Variants in MSRA observed in about 807,000 individuals in gnomAD.
The protein encoded by MSRA is methionine sulfoxide reductase A.
A neutral mutation model predicts 31.3 loss-of-function variants in MSRA; 54 were observed. That is an observed-to-expected ratio of 1.73 (90% CI 1.39 to 2.17). The LOEUF is 2.17. Ranked by LOEUF, MSRA falls within the 30% of genes most tolerant of loss-of-function variation. The pLI, the probability that MSRA is intolerant of heterozygous loss-of-function variation, is 0.00. For synonymous variants in MSRA, 169 were observed against 116.5 expected (o/e 1.45, Z -2.90); for missense variants, 507 against 300.9 (o/e 1.69, Z -5.07).
intron 5 of MSRA, among the ~76,000 whole-genome samples, chr8:10,364,790 C>G (rs560300763): frequency 6.6e-6 from 1 of 152,298 alleles, no homozygotes; most frequent in East Asian, 1.9e-4. Flanking sequence ...TCCAAATGCA[C>G]AGTAGATATT....
chr8:10,292,180 G>T (rs1421879467), intron 3 of MSRA, among the ~76,000 whole-genome samples: 1 of 152,234 alleles, frequency 6.6e-6, no homozygotes, highest in South Asian at 2.1e-4. Context: ...TTGGAGTCCA[G>T]TGTGCATGTG....
chr8:10,140,614 A>C (rs1296831317), intron 1 of MSRA, among the ~76,000 whole-genome samples: 1 of 152,192 alleles, frequency 6.6e-6, no homozygotes. Flanking sequence ...TAATATGCAT[A>C]ATTTCTCGGT....
intron 1 of MSRA, among the ~76,000 whole-genome samples, chr8:10,190,152 G>A (rs995511156): frequency 6.6e-6 from 1 of 152,120 alleles, no homozygotes; most frequent in Non-Finnish European, 1.5e-5. Context: ...GGGCGCTTTG[G>A]GGGAGGGGGG....
intron 3 of MSRA, among the ~76,000 whole-genome samples, chr8:10,280,927 T>C (rs1799590379): frequency 6.6e-6 from 1 of 152,232 alleles, no homozygotes; most frequent in South Asian, 2.1e-4. Context: ...TATGATTCTA[T>C]TTATTTGAAA....
At chr8:10,234,799 G>A (rs1016102310) in intron 2 of MSRA, among the ~76,000 whole-genome samples, 2 of 151,844 alleles carry the variant, frequency 1.3e-5, no homozygotes, top group Admixed American at 6.5e-5. Context: ...CTTAATATTA[G>A]AAAAAATAAT....
intron 3 of MSRA, among the ~76,000 whole-genome samples, chr8:10,266,006 C>G (rs148796873): frequency 0.015 from 2,214 of 152,328 alleles, 25 homozygotes; most frequent in Middle Eastern, 0.054. Context: ...GATGAACAGT[C>G]AGGTTGTTTT....
At chr8:10,140,033 C>A (rs1278080602) in intron 1 of MSRA, among the ~76,000 whole-genome samples, 1 of 152,200 alleles carries the variant, frequency 6.6e-6, no homozygotes, top group African/African-American at 2.4e-5. Flanking sequence ...TTCTGCGACA[C>A]GGGAGCCTTC....
At chr8:10,093,419 C>A (rs1210464085) in intron 1 of MSRA, among the ~76,000 whole-genome samples, 2 of 152,198 alleles carry the variant, frequency 1.3e-5, no homozygotes, top group African/African-American at 4.8e-5. Context: ...CAGATTAATA[C>A]CAATGTAATA....
intron 1 of MSRA, among the ~76,000 whole-genome samples, chr8:10,121,637 C>G (rs1232320911): frequency 1.3e-5 from 2 of 151,964 alleles, no homozygotes; most frequent in Non-Finnish European, 2.9e-5. Context: ...AGAGAGGCAC[C>G]TGCTATGTTT....
intron 2 of MSRA, among the ~76,000 whole-genome samples, chr8:10,211,380 T>C (rs1809480857): frequency 6.6e-6 from 1 of 152,176 alleles, no homozygotes; most frequent in African/African-American, 2.4e-5. Context: ...CCATCATTCT[T>C]AGCTTCCTCT....
At chr8:10,178,643 A>C (rs1483168899) in intron 1 of MSRA, among the ~76,000 whole-genome samples, 1 of 152,204 alleles carries the variant, frequency 6.6e-6, no homozygotes, top group Non-Finnish European at 1.5e-5. Flanking sequence ...TTGCATAGAC[A>C]TCAGTGTCAA....
chr8:10,058,340 TGAGAA>T (rs778133809), intron 1 of MSRA, among the ~76,000 whole-genome samples: 22 of 152,308 alleles, frequency 1.4e-4, no homozygotes, highest in South Asian at 8.3e-4. Flanking sequence ...AAATAAGTCC[TGAGAA>T]GAGGAGATCA....
At chr8:10,219,806 CAAAAAA>C (rs59393980) in intron 2 of MSRA, among the ~76,000 whole-genome samples, 8 of 57,120 alleles carry the variant, frequency 1.4e-4, no homozygotes, top group African/African-American at 7.2e-4. Flanking sequence ...ACTCTGTCTC[CAAAAAA>C]AAAAAAAAAA....
At chr8:10,335,027 C>G (rs1445704660) in intron 5 of MSRA, among the ~76,000 whole-genome samples, 2 of 152,206 alleles carry the variant, frequency 1.3e-5, no homozygotes, top group Non-Finnish European at 2.9e-5. Flanking sequence ...TAGTGCCCTG[C>G]GCCATGGCCC....
At chr8:10,425,968 G>C (rs571149177) in intron 5 of MSRA, among the ~76,000 whole-genome samples, 2 of 152,186 alleles carry the variant, frequency 1.3e-5, no homozygotes, top group African/African-American at 4.8e-5. Context: ...CTCTGGTGCT[G>C]CCTGGAGCAG....
chr8:10,330,085 C>G (rs1802607123), intron 5 of MSRA, among the ~76,000 whole-genome samples: 1 of 149,356 alleles, frequency 6.7e-6, no homozygotes, highest in South Asian at 2.2e-4. Context: ...TGGTCTAGCA[C>G]TCTCTTAGTC....
intron 1 of MSRA, among the ~76,000 whole-genome samples, chr8:10,063,438 C>T (rs533527162): frequency 6.6e-6 from 1 of 152,334 alleles, no homozygotes; most frequent in East Asian, 1.9e-4. Flanking sequence ...CTGCTGGCCT[C>T]AGTGTTTCAG....
At chr8:10,324,197 T>G (rs1353173309) in intron 5 of MSRA, among the ~76,000 whole-genome samples, 1 of 152,144 alleles carries the variant, frequency 6.6e-6, no homozygotes, top group Non-Finnish European at 1.5e-5. Flanking sequence ...ACTGGCTCAG[T>G]TCCTCAGTGG....
intron 1 of MSRA, among the ~76,000 whole-genome samples, chr8:10,057,861 T>G (rs1008531255): frequency 6.6e-6 from 1 of 152,216 alleles, no homozygotes; most frequent in African/African-American, 2.4e-5. Context: ...CTCTCTTCTT[T>G]ATAAGTTACC....
Sources: allele counts gnomAD v4.1 joint callset (sites outside exome capture counted in the v4.1 genomes callset), GRCh38; gene constraint gnomAD v4.1.1; transcripts MANE v1.5; gene names NCBI Gene and HGNC (gene_info 2026-07-23, HGNC 2026-07-21).